Variants in SULT6B1 observed in about 807,000 individuals in gnomAD.
The protein encoded by SULT6B1 is sulfotransferase family 6B member 1, also known as sulfotransferase 6B1.
A neutral mutation model predicts 37.2 loss-of-function variants in SULT6B1; 44 were observed. That is an observed-to-expected ratio of 1.18 (90% CI 0.93 to 1.52). The LOEUF (loss-of-function observed/expected upper bound fraction) is 1.52, where lower values mean the gene tolerates loss of function less well. SULT6B1 is among the 40% of genes most tolerant of loss of function. The probability of loss-of-function intolerance (pLI) is 0.00; values close to 1 mark genes in which losing one functional copy is unlikely to be tolerated. For missense variants in SULT6B1, 450 were observed against 361.0 expected (o/e 1.25, Z -2.00); for synonymous variants, 140 against 126.0 (o/e 1.11, Z -0.74).
chr2:37,182,490 G>C (rs1054016520), intron 3 of SULT6B1, among the ~76,000 whole-genome samples: 3 of 151,918 alleles, frequency 2.0e-5, no homozygotes, highest in Admixed American at 6.6e-5. Context: ...AATTACTTTT[G>C]CACCAACCTA....
chr2:37,183,996 C>T (rs1340230600), intron 2 of SULT6B1, among the ~76,000 whole-genome samples: 1 of 152,188 alleles, frequency 6.6e-6, no homozygotes, highest in Non-Finnish European at 1.5e-5. Flanking sequence ...AATGAAGAAT[C>T]ATAAATAAAC....
At chr2:37,190,996 G>A (rs1243656231), upstream of SULT6B1, among the ~76,000 whole-genome samples, 1 of 152,082 alleles carries the variant, frequency 6.6e-6, no homozygotes, top group Non-Finnish European at 1.5e-5. Context: ...AAGGTCTAGA[G>A]AGGGAAGGAA....
chr2:37,183,146 C>G (rs1169686820), intron 3 of SULT6B1, among the ~76,000 whole-genome samples: 3 of 152,148 alleles, frequency 2.0e-5, no homozygotes, highest in Non-Finnish European at 4.4e-5. Context: ...ATGAAACACT[C>G]TAAATATTCT....
intron 6 of SULT6B1, among the ~76,000 whole-genome samples, chr2:37,170,724 C>A (rs1676274786): frequency 2.6e-5 from 3 of 114,908 alleles, no homozygotes; most frequent in South Asian, 2.9e-4. Flanking sequence ...GGCAACACAG[C>A]AAGATTCTGT....
chr2:37,195,708 T>C (rs1676904319), intron 1 of SULT6B1, among the ~76,000 whole-genome samples: 1 of 152,246 alleles, frequency 6.6e-6, no homozygotes, highest in Non-Finnish European at 1.5e-5. Flanking sequence ...CAATATACTT[T>C]TATATTCTTT....
intron 1 of SULT6B1, among the ~76,000 whole-genome samples, chr2:37,195,223 T>C (rs1380512063): frequency 6.6e-6 from 1 of 152,160 alleles, no homozygotes; most frequent in East Asian, 1.9e-4. Flanking sequence ...GTGCTGGGAT[T>C]ACAGGTGTGA....
chr2:37,186,992 C>T (rs1385779721), intron 2 of SULT6B1, among the ~76,000 whole-genome samples: 2 of 152,166 alleles, frequency 1.3e-5, no homozygotes, highest in African/African-American at 4.8e-5. Context: ...CTGTTCATTT[C>T]CTGAGGTTTC....
At chr2:37,194,652 T>G (rs1676856417) in intron 1 of SULT6B1, 1 of 277,844 alleles carries the variant, frequency 3.6e-6, no homozygotes, top group Admixed American at 4.3e-5. Context: ...GATGTGCTTG[T>G]GAATGTTGGT....
chr2:37,176,218 A>C (rs2148288847), intron 4 of SULT6B1, among the ~76,000 whole-genome samples: 1 of 152,102 alleles, frequency 6.6e-6, no homozygotes, highest in East Asian at 1.9e-4. Flanking sequence ...AACACACGTC[A>C]AATGCTAAAA....
intron 1 of SULT6B1, among the ~76,000 whole-genome samples, chr2:37,195,000 A>C (rs1477498993): frequency 6.7e-6 from 1 of 149,848 alleles, no homozygotes; most frequent in East Asian, 2.0e-4. Context: ...CCCAGGCTGG[A>C]GTGCAGTGGC....
chr2:37,173,591 C>T (rs1413631384), intron 5 of SULT6B1, among the ~76,000 whole-genome samples: 2 of 152,186 alleles, frequency 1.3e-5, no homozygotes, highest in African/African-American at 2.4e-5. Flanking sequence ...TCTTCACCTG[C>T]TGCCATCTCC....
chr2:37,187,425 G>A lies in SULT6B1; in HGVS notation c.242C>T (p.Ala81Val), dbSNP rs113790024. 82 of 1,606,892 alleles carry A rather than the reference G, an allele frequency of 5.1e-5. No homozygotes were observed. Among genetic ancestry groups the A allele is most frequent in the African/African-American group, 1.3e-4 (10 of 74,880 alleles). The change falls in exon 2 of 7, where the codon GCT becomes GTT. Residue 81 changes from alanine (A) to valine (V), a missense_variant. Transcript: ENST00000535679. Reference sequence around the variant, plus strand: ...ATATTTATACTTTTTTTTAGAAACAGCATATATTAATTCACTGACAATGTG... The same window carrying A: ...ATATTTATACTTTTTTTTAGAAACAACATATATTAATTCACTGACAATGTG... ...ILHIVSELIY[A>V]VSKKKYKYPE...
chr2:37,186,864 G>A (rs1431029348), intron 2 of SULT6B1, among the ~76,000 whole-genome samples: 3 of 152,096 alleles, frequency 2.0e-5, no homozygotes, highest in African/African-American at 7.2e-5. Flanking sequence ...CCACTGCACT[G>A]CAGCCTGGGC....
At chr2:37,193,614 A>AGAAGAAGAG (rs1558454892), upstream of SULT6B1, among the ~76,000 whole-genome samples, 10 of 149,592 alleles carry the variant, frequency 6.7e-5, no homozygotes, top group Admixed American at 1.3e-4. Context: ...AAGAAGAAGA[A>AGAAGAAGAG]GAAGAAGAAG....
At chr2:37,176,101 G>C (rs115498089) in intron 4 of SULT6B1, among the ~76,000 whole-genome samples, 1 of 152,072 alleles carries the variant, frequency 6.6e-6, no homozygotes, top group Admixed American at 6.6e-5. Flanking sequence ...GCAGACACTG[G>C]TCAGCTGTGC....
chr2:37,179,119 A>T (rs10181658), intron 4 of SULT6B1, among the ~76,000 whole-genome samples: 44,850 of 151,926 alleles, frequency 0.3, 7,662 homozygotes, highest in East Asian at 0.78. Context: ...CCACCACGCC[A>T]GGCTAATTTT....
intron 2 of SULT6B1, among the ~76,000 whole-genome samples, chr2:37,186,384 A>C (rs6742281): frequency 0.3 from 45,539 of 152,012 alleles, 7,876 homozygotes; most frequent in East Asian, 0.79. Flanking sequence ...GAGGTAGACC[A>C]TCCTCCCACT....
upstream of SULT6B1, among the ~76,000 whole-genome samples, chr2:37,189,089 G>A (rs534785622): frequency 8.5e-5 from 13 of 152,096 alleles, no homozygotes; most frequent in Non-Finnish European, 1.5e-4. Flanking sequence ...TAATTTGGTG[G>A]GGTGGAAAAG....
At chr2:37,170,639 C>T (rs1279350683) in intron 6 of SULT6B1, among the ~76,000 whole-genome samples, 5 of 149,292 alleles carry the variant, frequency 3.3e-5, no homozygotes, top group South Asian at 2.2e-4. Context: ...GGCGTGGTGG[C>T]GCACACAAGA....
Sources: gnomAD v4.1 joint callset for allele counts (sites outside exome capture counted in the v4.1 genomes callset) on GRCh38, gnomAD v4.1.1 for gene constraint, MANE v1.5 for transcripts, NCBI Gene and HGNC (gene_info 2026-07-23, HGNC 2026-07-21) for gene names.